Variants in LDAH observed in about 807,000 individuals in gnomAD.
The protein encoded by LDAH is lipid droplet-associated hydrolase.
Under a neutral mutation model 29.6 loss-of-function variants are expected in LDAH, and 26 were observed. That is an observed-to-expected ratio of 0.88 (90% CI 0.64 to 1.22). The LOEUF (loss-of-function observed/expected upper bound fraction) is 1.22, where lower values mean the gene tolerates loss of function less well. Among genes scored for constraint, LDAH ranks in the 50% most tolerant of loss-of-function variants. LDAH has a pLI of 0.00. For missense variants in LDAH, 344 were observed against 387.3 expected (o/e 0.89, Z 0.94); for synonymous variants, 117 against 133.0 (o/e 0.88, Z 0.83).
chr2:20,789,431 A>C, intron 3 of LDAH: 2 of 1,444,318 alleles, frequency 1.4e-6, no homozygotes, highest in Non-Finnish European at 1.8e-6. Context: ...ATGAGAAATC[A>C]ATTTCCATTT....
chr2:20,810,822 T>C (rs549900082), intron 1 of LDAH, among the ~76,000 whole-genome samples: 1 of 152,274 alleles, frequency 6.6e-6, no homozygotes, highest in African/African-American at 2.4e-5. Flanking sequence ...GGCATTAAAT[T>C]CTCACAGGAA....
chr2:20,711,899 A>G (rs6758847), intron 5 of LDAH, among the ~76,000 whole-genome samples: 61,982 of 152,050 alleles, frequency 0.41, 13,466 homozygotes, highest in African/African-American at 0.55. Flanking sequence ...CAAACAGGGC[A>G]GAGCCCACTG....
intron 5 of LDAH, among the ~76,000 whole-genome samples, chr2:20,726,362 G>C (rs986462726): frequency 6.6e-6 from 1 of 151,908 alleles, no homozygotes; most frequent in African/African-American, 2.4e-5. Flanking sequence ...AGTCAAGCAG[G>C]GCTGTGTGGG....
At chr2:20,792,289 T>C (rs1671018235) in intron 2 of LDAH, among the ~76,000 whole-genome samples, 1 of 152,162 alleles carries the variant, frequency 6.6e-6, no homozygotes, top group African/African-American at 2.4e-5. Flanking sequence ...TTAGGTACTA[T>C]AACTTACTAC....
At chr2:20,789,960 T>G (rs532793173) in intron 3 of LDAH, among the ~76,000 whole-genome samples, 2 of 152,188 alleles carry the variant, frequency 1.3e-5, no homozygotes, top group Non-Finnish European at 2.9e-5. Context: ...TTCCCCACCA[T>G]TCCTCCTAGA....
chr2:20,760,904 G>A (rs1368212193), intron 4 of LDAH, among the ~76,000 whole-genome samples: 1 of 152,136 alleles, frequency 6.6e-6, no homozygotes, highest in Non-Finnish European at 1.5e-5. Context: ...ACATTAGGAG[G>A]TGAGGATCAT....
chr2:20,785,120 C>G (rs559860913), intron 3 of LDAH, among the ~76,000 whole-genome samples: 1 of 152,088 alleles, frequency 6.6e-6, no homozygotes, highest in Admixed American at 6.5e-5. Context: ...GAAAAATAAA[C>G]TTTTTAAACC....
chr2:20,737,510 T>C (rs928118987), intron 5 of LDAH, among the ~76,000 whole-genome samples: 1 of 152,326 alleles, frequency 6.6e-6, no homozygotes, highest in East Asian at 1.9e-4. Flanking sequence ...TTTACATATA[T>C]TTGCCAGAAT....
intron 2 of LDAH, among the ~76,000 whole-genome samples, chr2:20,796,655 G>C (rs531182235): frequency 6.6e-6 from 1 of 152,114 alleles, no homozygotes; most frequent in Non-Finnish European, 1.5e-5. Context: ...TCAGATATGC[G>C]TATCACAGTT....
At chr2:20,813,920 C>T (rs1672670534) in intron 1 of LDAH, among the ~76,000 whole-genome samples, 1 of 152,034 alleles carries the variant, frequency 6.6e-6, no homozygotes, top group East Asian at 1.9e-4. Context: ...TTTTTCTTAT[C>T]AGTCTGTAAG....
intron 2 of LDAH, among the ~76,000 whole-genome samples, chr2:20,791,246 T>A (rs1209675108): frequency 6.6e-6 from 1 of 152,220 alleles, no homozygotes; most frequent in African/African-American, 2.4e-5. Context: ...CCAGACTACC[T>A]GGGTTGGAAT....
intron 1 of LDAH, among the ~76,000 whole-genome samples, chr2:20,818,375 GC>G (rs1270267600): frequency 6.6e-6 from 1 of 152,102 alleles, no homozygotes; most frequent in Non-Finnish European, 1.5e-5. Flanking sequence ...TTAGCACATA[GC>G]CCTATATAAA....
chr2:20,813,686 A>G (rs1189395956), intron 1 of LDAH, among the ~76,000 whole-genome samples: 4 of 152,240 alleles, frequency 2.6e-5, no homozygotes, highest in Non-Finnish European at 2.9e-5. Flanking sequence ...TAATTCTTTT[A>G]GCGATGTAGA....
intron 5 of LDAH, among the ~76,000 whole-genome samples, chr2:20,736,917 A>C (rs144058673): frequency 9.9e-4 from 151 of 152,352 alleles, no homozygotes; most frequent in African/African-American, 3.6e-3. Context: ...TGTACATATG[A>C]AATATAAATG....
rs1673454787 is a variant in LDAH at position 20,823,084 on chromosome 2, CGGCACGAGACCGGAAG to C, written c.-66_-51del. 1 of 152,270 alleles carries C rather than the reference CGGCACGAGACCGGAAG, an allele frequency of 6.6e-6. No individual in the cohort carries two copies. Among genetic ancestry groups the C allele is most frequent in the Non-Finnish European group, 1.5e-5 (1 of 68,130 alleles). The allele number at this position is 152,270 out of a possible 1,614,324, so 9.4% of individuals were successfully genotyped here. A position where few individuals can be genotyped will look rare whatever the true frequency, so the allele number is the denominator to read the frequency against. On this transcript the variant is annotated 5_prime_UTR_variant, in exon 1 of 7. Coordinates refer to ENST00000237822, the MANE Select transcript of LDAH (RefSeq NM_021925.4). ...GCTCTCCCTGAGGGTCCTGGGAAGG[CGGCACGAGACCGGAAG>C]TGCCCCCCTCAGGTGACGTCACAGT...
intron 6 of LDAH, among the ~76,000 whole-genome samples, chr2:20,691,403 C>T (rs1373149278): frequency 6.6e-6 from 1 of 152,158 alleles, no homozygotes; most frequent in Non-Finnish European, 1.5e-5. Context: ...TCTCCAACTC[C>T]TGGGCTCAAG....
rs577975209 is a variant in LDAH at position 20,783,467 on chromosome 2, T to G, written c.298+6788A>C. ...GTTTTGCCTCCTGCATTCTGACCTT[T>G]GTTGTTAGGTACATATTTGTTAAGG... On this transcript the variant is annotated intron_variant, in intron 3 of 6. Transcript: ENST00000237822. 9.5e-4 allele frequency among the ~76,000 whole-genome samples: 144 copies of G among 152,324 alleles called. 1 individual carries two copies. The highest frequency in any genetic ancestry group is 3.3e-3 in the African/African-American group (139 of 41,566).
intron 4 of LDAH, among the ~76,000 whole-genome samples, chr2:20,765,289 C>T (rs1019143510): frequency 2.6e-5 from 4 of 152,162 alleles, no homozygotes; most frequent in African/African-American, 9.7e-5. Flanking sequence ...CCTTGACCAG[C>T]TTCTTCCTTA....
intron 4 of LDAH, among the ~76,000 whole-genome samples, chr2:20,760,735 G>A (rs1165908280): frequency 1.3e-5 from 2 of 152,204 alleles, no homozygotes; most frequent in African/African-American, 4.8e-5. Flanking sequence ...AAGCCAGCAT[G>A]GGAGAGAGAC....
Sources: allele counts gnomAD v4.1 joint callset (sites outside exome capture counted in the v4.1 genomes callset), GRCh38; gene constraint gnomAD v4.1.1; transcripts MANE v1.5; gene names NCBI Gene and HGNC (gene_info 2026-07-23, HGNC 2026-07-21).